The following PTPRK variants were observed in gnomAD, a reference collection of about 807,000 sequenced individuals.
The protein encoded by PTPRK is receptor-type tyrosine-protein phosphatase kappa.
A neutral mutation model predicts 178.0 loss-of-function variants in PTPRK; 75 were observed. The ratio of observed to expected loss-of-function variants is 0.42; its 90% CI spans 0.35 to 0.51. The LOEUF (loss-of-function observed/expected upper bound fraction) is 0.51. PTPRK is among the 20% of genes least tolerant of loss of function. The pLI is 0.02. For synonymous variants in PTPRK, 637 were observed against 620.6 expected (o/e 1.03, Z -0.39); for missense variants, 1,441 against 1,797.8 (o/e 0.80, Z 3.59).
At chr6:128,447,889 T>G (rs935720019) in intron 1 of PTPRK, among the ~76,000 whole-genome samples, 2 of 152,182 alleles carry the variant, frequency 1.3e-5, no homozygotes, top group Admixed American at 1.3e-4. Context: ...CCCAAAGTGC[T>G]GGGATTACAG....
At chr6:128,285,673 C>T (rs1348739348) in intron 3 of PTPRK, among the ~76,000 whole-genome samples, 4 of 152,030 alleles carry the variant, frequency 2.6e-5, no homozygotes, top group East Asian at 1.9e-4. Flanking sequence ...AGCATGGTGG[C>T]GTGTGCCTGC....
chr6:128,148,564 A>G (rs1397396396), intron 7 of PTPRK, among the ~76,000 whole-genome samples: 3 of 152,124 alleles, frequency 2.0e-5, no homozygotes, highest in Non-Finnish European at 1.5e-5. Flanking sequence ...ATCCCTTCCA[A>G]TTCAGACAGT....
intron 8 of PTPRK, among the ~76,000 whole-genome samples, chr6:128,089,302 G>A (rs981108363): frequency 2.6e-5 from 4 of 152,170 alleles, no homozygotes; most frequent in African/African-American, 7.2e-5. Context: ...AATAAAAACA[G>A]CTACTATTGG....
At chr6:128,291,517 G>C (rs1823382601) in intron 3 of PTPRK, among the ~76,000 whole-genome samples, 1 of 152,122 alleles carries the variant, frequency 6.6e-6, no homozygotes, top group Non-Finnish European at 1.5e-5. Context: ...AAGGAACTGA[G>C]TTATAATTTG....
Position 128,067,767 on chromosome 6 carries a change from G to T in PTPRK, c.1909C>A (p.Leu637Met). The change falls in exon 12 of 30, where the codon CTG becomes ATG. Residue 637 changes from leucine (L) to methionine (M), a missense_variant. By Grantham distance (15) the Leu-to-Met change is conservative. This residue lies in a region of PTPRK where 945 missense variants were observed against 1,080.6 expected (regional missense o/e 0.87). Transcript: ENST00000368226. ...TCTCTCTTGGTTCGGTGTGGGTGCAGTTCTTCCACAACAATCTGATAAGCA... is the reference window on the plus strand; with the variant it reads ...TCTCTCTTGGTTCGGTGTGGGTGCATTTCTTCCACAACAATCTGATAAGCA... The part of the protein sequence containing the change: ...ISAYQIVVEE[L>M]HPHRTKREAG... The T allele has an allele frequency of 6.2e-7, 1 of 1,607,222 alleles. No homozygotes were observed. Among genetic ancestry groups the T allele is most frequent in the Non-Finnish European group, 8.5e-7 (1 of 1,176,230 alleles).
At chr6:128,512,186 C>A (rs1035692676) in intron 1 of PTPRK, among the ~76,000 whole-genome samples, 1 of 152,146 alleles carries the variant, frequency 6.6e-6, no homozygotes, top group Non-Finnish European at 1.5e-5. Flanking sequence ...CCTATTAAAT[C>A]TTTCTTTAAA....
chr6:128,386,621 A>G (rs1356499306), intron 2 of PTPRK, among the ~76,000 whole-genome samples: 1 of 152,226 alleles, frequency 6.6e-6, no homozygotes, highest in African/African-American at 2.4e-5. Context: ...CTGAAGTAAT[A>G]AAGGCTACTG....
chr6:128,327,051 A>G (rs569885785), intron 2 of PTPRK, among the ~76,000 whole-genome samples: 4 of 152,262 alleles, frequency 2.6e-5, no homozygotes, highest in Middle Eastern at 3.4e-3. Flanking sequence ...TCATTAAAAA[A>G]GAGAAAGGCA....
At chr6:128,032,314 G>A (rs1374194423) in intron 13 of PTPRK, among the ~76,000 whole-genome samples, 5 of 152,040 alleles carry the variant, frequency 3.3e-5, no homozygotes, top group Non-Finnish European at 1.5e-5. Context: ...CCCCTTTGTG[G>A]TTTTCTTCTT....
rs551921558 is a variant in PTPRK, at chr6:128,493,679, T to C, written c.100+26580A>G. On this transcript the variant is annotated intron_variant, in intron 1 of 29. Transcript: ENST00000368226. The stretch of plus-strand genomic sequence containing the variant: ...CTATACTTATACTGTGGTCAATTCA[T>C]AGAACTAGAAGAGAGTTTAGAAATC... Among the ~76,000 whole-genome samples the C allele has an allele frequency of 1.3e-4, 19 of 148,656 alleles. 1 individual carries two copies. In the South Asian group the frequency reaches 4.0e-3, roughly 31 times the overall value.
chr6:128,218,244 T>G (rs765066272), intron 6 of PTPRK, among the ~76,000 whole-genome samples: 12 of 152,238 alleles, frequency 7.9e-5, no homozygotes, highest in Admixed American at 7.9e-4. Context: ...TACAATCGTA[T>G]CTCCAATATC....
intron 24 of PTPRK, among the ~76,000 whole-genome samples, chr6:127,982,273 T>C (rs1199748613): frequency 1.3e-5 from 2 of 151,962 alleles, no homozygotes; most frequent in Non-Finnish European, 2.9e-5. Context: ...GACTTGTTAT[T>C]ATTTCTTTTT....
intron 3 of PTPRK, among the ~76,000 whole-genome samples, chr6:128,313,746 T>C (rs1486190665): frequency 6.6e-6 from 1 of 152,102 alleles, no homozygotes; most frequent in Non-Finnish European, 1.5e-5. Flanking sequence ...CAACAAGTAA[T>C]TGACTTATAA....
chr6:128,189,308 C>T (rs1803344955), intron 6 of PTPRK, among the ~76,000 whole-genome samples: 1 of 136,170 alleles, frequency 7.3e-6, no homozygotes, highest in African/African-American at 2.8e-5. Context: ...GGAGCAGTCT[C>T]GGCTCACTGC....
At chr6:128,392,532 G>A (rs1330939938) in intron 2 of PTPRK, among the ~76,000 whole-genome samples, 3 of 152,100 alleles carry the variant, frequency 2.0e-5, no homozygotes, top group Non-Finnish European at 2.9e-5. Context: ...TCAGATCTAG[G>A]AGAGAACATA....
In PTPRK at chr6:128,128,542, G is replaced by A. The variant is rs148011000; in HGVS notation, c.1163-38550C>T. Reference sequence around the variant, plus strand: ...GCACATCATGACCAATTCATTGAGAGCAAAATCTGCACAATACTGTGCTTC... The same window carrying A: ...GCACATCATGACCAATTCATTGAGAACAAAATCTGCACAATACTGTGCTTC... On this transcript the variant is annotated intron_variant, in intron 7 of 29. Transcript: ENST00000368226. 6.6e-5 allele frequency among the ~76,000 whole-genome samples: 10 copies of A among 152,320 alleles called. No individual in the cohort carries two copies. The East Asian group carries it at 1.5e-3, about 24-fold the overall frequency.
rs185759745 is a variant in PTPRK, at chr6:128,472,074, T to C, written c.100+48185A>G. ...AAGGAGACAGTTCAAGAGGGCAAAG[T>C]AGAAGTTGACAGCAACACAGCCACA... On this transcript the variant is annotated intron_variant, in intron 1 of 29. Transcript: ENST00000368226. Among the ~76,000 whole-genome samples the C allele has an allele frequency of 1.1e-3, 166 of 152,038 alleles. 1 individual carries two copies. The highest frequency in any genetic ancestry group is 3.8e-3 in the African/African-American group (159 of 41,482).
intron 2 of PTPRK, among the ~76,000 whole-genome samples, chr6:128,393,585 A>G (rs1839909111): frequency 6.6e-6 from 1 of 152,204 alleles, no homozygotes; most frequent in Non-Finnish European, 1.5e-5. Context: ...AAAATGGGTA[A>G]GAGATTAACG....
intron 2 of PTPRK, among the ~76,000 whole-genome samples, chr6:128,364,031 A>G (rs373724168): frequency 1.3e-5 from 2 of 152,156 alleles, no homozygotes; most frequent in East Asian, 1.9e-4. Flanking sequence ...AACCAAAACT[A>G]TAAGAGTTAG....
Sources: gnomAD v4.1 joint callset for allele counts (sites outside exome capture counted in the v4.1 genomes callset) on GRCh38, gnomAD v4.1.1 for gene constraint, gnomAD v4.1.1 regional missense constraint, MANE v1.5 for transcripts, NCBI Gene and HGNC (gene_info 2026-07-23, HGNC 2026-07-21) for gene names.